Variants in UEVLD observed in about 807,000 individuals in gnomAD.
UEVLD encodes the protein UEV and lactate/malate dehyrogenase domains, also known as ubiquitin-conjugating enzyme E2 variant 3.
Under a neutral mutation model 58.6 loss-of-function variants are expected in UEVLD, and 47 were observed. That is an observed-to-expected ratio of 0.80 (90% CI 0.63 to 1.02). The LOEUF is 1.02. Among genes scored for constraint, UEVLD ranks in the 50% least tolerant of loss-of-function variants. The probability of loss-of-function intolerance (pLI) is 0.00; values close to 1 mark genes in which losing one functional copy is unlikely to be tolerated. For missense variants in UEVLD, 510 were observed against 550.6 expected (o/e 0.93, Z 0.74); for synonymous variants, 197 against 195.3 (o/e 1.01, Z -0.07).
intron 7 of UEVLD, among the ~76,000 whole-genome samples, chr11:18,553,766 T>C (rs74800709): frequency 0.052 from 7,868 of 152,290 alleles, 283 homozygotes; most frequent in Non-Finnish European, 0.075. Context: ...TACTATATGA[T>C]TCCATTTATA....
intron 6 of UEVLD, among the ~76,000 whole-genome samples, chr11:18,562,826 T>C (rs999923267): frequency 2.6e-5 from 4 of 152,152 alleles, no homozygotes; most frequent in African/African-American, 9.6e-5. Context: ...GGCAGGAAGA[T>C]AGTCTGAACC....
intron 1 of UEVLD, among the ~76,000 whole-genome samples, chr11:18,579,245 T>C (rs1853107023): frequency 6.6e-6 from 1 of 152,162 alleles, no homozygotes; most frequent in African/African-American, 2.4e-5. Context: ...TGATTTAATC[T>C]TTTTAACAAC....
intron 4 of UEVLD, among the ~76,000 whole-genome samples, chr11:18,567,830 A>C (rs1852372895): frequency 6.6e-6 from 1 of 152,220 alleles, no homozygotes; most frequent in South Asian, 2.1e-4. Context: ...GGGCAATTTA[A>C]ATAATGTAAT....
intron 7 of UEVLD, among the ~76,000 whole-genome samples, chr11:18,557,955 T>C (rs1177280801): frequency 6.6e-6 from 1 of 152,216 alleles, no homozygotes; most frequent in East Asian, 1.9e-4. Flanking sequence ...TAAATTTATT[T>C]TGAGGTATAA....
intron 6 of UEVLD, among the ~76,000 whole-genome samples, chr11:18,562,466 C>T (rs1032225988): frequency 2.5e-4 from 38 of 151,060 alleles, no homozygotes; most frequent in Admixed American, 1.8e-3. Flanking sequence ...CACTTGAACC[C>T]GGGAGATGGA....
intron 10 of UEVLD, 126 bp from the exon 11 acceptor site, chr11:18,534,579 G>C: frequency 1.1e-6 from 1 of 947,410 alleles, no homozygotes; most frequent in South Asian, 1.9e-5. Flanking sequence ...AATTGTTAGG[G>C]AAGCCTATAG....
chr11:18,536,481 TGAA>T lies in UEVLD; in HGVS notation c.1061-15_1061-13del, dbSNP rs764710911. On this transcript the variant is annotated splice_polypyrimidine_tract_variant and intron_variant, in intron 9 of 11. Coordinates refer to ENST00000396197, the MANE Select transcript of UEVLD (RefSeq NM_001040697.4). Reference sequence around the variant, plus strand: ...ACTCCATGTGAGCACTAAAATTAGATGAAGAATTAATTATGTTTTGCCAGTGAC... The same window carrying T: ...ACTCCATGTGAGCACTAAAATTAGATGAATTAATTATGTTTTGCCAGTGAC... 4 of 1,611,010 alleles carry T rather than the reference TGAA, an allele frequency of 2.5e-6. No individual in the cohort carries two copies. The highest frequency in any genetic ancestry group is 1.7e-5 in the Admixed American group (1 of 59,976).
At chr11:18,558,430 C>G in intron 6 of UEVLD, 100 bp from the exon 7 acceptor site, 1 of 653,564 alleles carries the variant, frequency 1.5e-6, no homozygotes, top group Non-Finnish European at 2.5e-6. Context: ...AGGCCTCATA[C>G]ACTGTCTTTT....
chr11:18,552,583 T>C (rs12803251), intron 7 of UEVLD, among the ~76,000 whole-genome samples: 28,361 of 151,548 alleles, frequency 0.19, 3,012 homozygotes, highest in East Asian at 0.41. Flanking sequence ...AAAATTAGGC[T>C]GGTCACGGTG....
chr11:18,584,802 T>G (rs1419825847), intron 1 of UEVLD, among the ~76,000 whole-genome samples: 3 of 152,024 alleles, frequency 2.0e-5, no homozygotes, highest in Admixed American at 1.3e-4. Context: ...CCGGCTAATT[T>G]TTGTATTTTT....
chr11:18,547,298 G>A (rs540641999), intron 7 of UEVLD, among the ~76,000 whole-genome samples: 1 of 152,310 alleles, frequency 6.6e-6, no homozygotes, highest in Admixed American at 6.5e-5. Context: ...GGCTGAGGCT[G>A]GTGGATCACT....
chr11:18,561,095 A>G (rs1039062819), intron 6 of UEVLD, among the ~76,000 whole-genome samples: 4 of 152,174 alleles, frequency 2.6e-5, no homozygotes, highest in Non-Finnish European at 5.9e-5. Context: ...GGTGGTACCA[A>G]TGCTGCTAGT....
In UEVLD at chr11:18,588,675, A is replaced by G. The variant is rs1337186293; in HGVS notation, c.-21T>C. The G allele has an allele frequency of 1.2e-6, 2 of 1,606,830 alleles. No individual in the cohort carries two copies. The highest frequency in any genetic ancestry group is 1.3e-5 in the African/African-American group (1 of 74,914). ...TCCATCTCCAGGCCGGTCCCGAGCTAGGTCCCAGGACTCCAGCCCCCGGAC... is the reference window on the plus strand; with the variant it reads ...TCCATCTCCAGGCCGGTCCCGAGCTGGGTCCCAGGACTCCAGCCCCCGGAC... On this transcript the variant is annotated 5_prime_UTR_variant, in exon 1 of 12. Coordinates refer to ENST00000396197, the MANE Select transcript of UEVLD (RefSeq NM_001040697.4).
intron 5 of UEVLD, 38 bp from the exon 6 acceptor site, chr11:18,565,048 T>A: frequency 6.8e-7 from 1 of 1,474,298 alleles, no homozygotes; most frequent in Non-Finnish European, 9.4e-7. Context: ...AATTCAAAAA[T>A]ATCAAGAATT....
intron 5 of UEVLD, 138 bp from the exon 6 acceptor site, chr11:18,565,148 T>C (rs1852233816): frequency 3.5e-6 from 2 of 564,834 alleles, no homozygotes; most frequent in South Asian, 2.5e-5. Context: ...AAAATACTAC[T>C]GAACAAATGA....
At chr11:18,554,161 G>A (rs1851652007) in intron 7 of UEVLD, among the ~76,000 whole-genome samples, 3 of 151,636 alleles carry the variant, frequency 2.0e-5, no homozygotes, top group South Asian at 4.2e-4. Context: ...GCACGATCTC[G>A]GCTCAATGCA....
rs1328433746 is a variant in UEVLD, at chr11:18,536,485, G to A, written c.1061-16C>T. ...CATGTGAGCACTAAAATTAGATGAAGAATTAATTATGTTTTGCCAGTGACT... is the reference window on the plus strand; with the variant it reads ...CATGTGAGCACTAAAATTAGATGAAAAATTAATTATGTTTTGCCAGTGACT... On this transcript the variant is annotated splice_polypyrimidine_tract_variant and intron_variant, in intron 9 of 11. Transcript: ENST00000396197. 2 of 1,608,376 alleles carry A rather than the reference G, an allele frequency of 1.2e-6. No homozygotes were observed. Among genetic ancestry groups the A allele is most frequent in the East Asian group, 4.5e-5 (2 of 44,832 alleles).
chr11:18,548,890 G>A (rs1565116720), intron 7 of UEVLD, among the ~76,000 whole-genome samples: 1 of 152,176 alleles, frequency 6.6e-6, no homozygotes, highest in Non-Finnish European at 1.5e-5. Flanking sequence ...GTCCTCTTAA[G>A]TAATTCCTAT....
chr11:18,532,428 A>C lies in UEVLD; in HGVS notation c.1308T>G (p.Asn436Lys), dbSNP rs767790676. The change falls in exon 12 of 12, where the codon AAT (asparagine) becomes AAG (lysine). Residue 436 changes from asparagine to lysine, a missense_variant. Coordinates refer to ENST00000396197, the MANE Select transcript of UEVLD (RefSeq NM_001040697.4). ...TGGTTTTGATAACTTCAGATACTCC[A>C]TTGGTTCCAAGGATGCAAGGCAAAC... ...FLSLPCILGT[N>K]GVSEVIKTTL... The C allele has an allele frequency of 1.2e-6, 2 of 1,613,534 alleles. No homozygotes were observed. Among genetic ancestry groups the C allele is most frequent in the African/African-American group, 1.3e-5 (1 of 75,014 alleles).
Sources: gnomAD v4.1 joint callset for allele counts (sites outside exome capture counted in the v4.1 genomes callset) on GRCh38, gnomAD v4.1.1 for gene constraint, MANE v1.5 for transcripts, NCBI Gene and HGNC (gene_info 2026-07-23, HGNC 2026-07-21) for gene names.